The following EBNA1BP2 variants were observed in gnomAD, a reference collection of about 807,000 sequenced individuals.
The protein encoded by EBNA1BP2 is EBNA1 binding protein 2.
In EBNA1BP2, 36 loss-of-function variants were observed where a neutral mutation model predicts 43.5. The observed-to-expected ratio is 0.83, with a 90% confidence interval of 0.63 to 1.09. The LOEUF (loss-of-function observed/expected upper bound fraction) is 1.09, where lower values mean the gene tolerates loss of function less well. Among genes scored for constraint, EBNA1BP2 ranks in the 50% least tolerant of loss-of-function variants. EBNA1BP2 has a pLI of 0.00. For synonymous variants in EBNA1BP2, 127 were observed against 141.3 expected (o/e 0.90, Z 0.72); for missense variants, 332 against 379.1 (o/e 0.88, Z 1.03).
chr1:43,172,467 C>G, upstream of EBNA1BP2: 2 of 1,542,570 alleles, frequency 1.3e-6, no homozygotes, highest in Non-Finnish European at 1.8e-6. Context: ...GGAGGGGGTA[C>G]CTGGGGGTCG....
At chr1:43,166,086 G>A (rs1019910635) in intron 7 of EBNA1BP2, among the ~76,000 whole-genome samples, 1 of 152,142 alleles carries the variant, frequency 6.6e-6, no homozygotes, top group Admixed American at 6.5e-5. Flanking sequence ...AACAATGAGA[G>A]CCCACATTCT....
intron 7 of EBNA1BP2, 69 bp from the exon 8 acceptor site, chr1:43,164,874 GCT>G: frequency 6.4e-7 from 1 of 1,570,932 alleles, no homozygotes; most frequent in Non-Finnish European, 8.6e-7. Context: ...GCCCAGCAAT[GCT>G]CTCAGTTTCC....
upstream of EBNA1BP2, chr1:43,172,377 G>C (rs1389434479): frequency 6.4e-7 from 1 of 1,551,626 alleles, no homozygotes; most frequent in East Asian, 2.4e-5. Context: ...GTTTGAAAGT[G>C]TCCGGGTTGC....
rs2124166029 is a variant in EBNA1BP2, at chr1:43,168,987, C to A, written c.489G>T (p.Arg163Ser). 2 of 1,614,174 alleles carry A rather than the reference C, an allele frequency of 1.2e-6. No homozygotes were observed. The highest frequency in any genetic ancestry group is 2.2e-5 in the South Asian group (2 of 91,078). The change falls in exon 5 of 9, where the codon AGG (arginine) becomes AGT (serine). Residue 163 changes from arginine to serine, a missense_variant. Coordinates refer to ENST00000236051, the MANE Select transcript of EBNA1BP2 (RefSeq NM_006824.3). ...KLQTKQAAME[R>S]SEKAKQLRAL... ...CTCGCAGTTGCTTAGCTTTTTCAGA[C>A]CTCTCCATGGCAGCCTGTTTAGTCT...
rs1452105098 is a variant in EBNA1BP2 at position 43,164,731 on chromosome 1, G to A, written c.782C>T (p.Thr261Ile). 1.2e-6 allele frequency: 2 copies of A among 1,614,092 alleles called. No individual in the cohort carries two copies. Among genetic ancestry groups the A allele is most frequent in the African/African-American group, 2.7e-5 (2 of 74,928 alleles). ...AGATACATCATCATAGCTCTCCCGA[G>A]TGTTCCACTTTGAGCCTTTCTTCTT... ...GGKKKGSKWN[T>I]RESYDDVSSF... Residue 261 changes from threonine to isoleucine, a missense_variant, in exon 8 of 9, where the codon ACT becomes ATT. By Grantham distance (89) the Thr-to-Ile change is moderately conservative. This residue lies in a region of EBNA1BP2 where 91 missense variants were observed against 152.1 expected (regional missense o/e 0.60). Coordinates refer to ENST00000236051, the MANE Select transcript of EBNA1BP2 (RefSeq NM_006824.3).
At chr1:43,172,458 G>C (rs1034398289), upstream of EBNA1BP2, 11 of 1,545,848 alleles carry the variant, frequency 7.1e-6, no homozygotes, top group Non-Finnish European at 8.7e-6. Flanking sequence ...CGAAAGGTGG[G>C]AGGGGGTACC....
chr1:43,167,298 T>C, intron 5 of EBNA1BP2, 63 bp from the exon 6 acceptor site: 1 of 1,487,972 alleles, frequency 6.7e-7, no homozygotes, highest in South Asian at 1.1e-5. Flanking sequence ...GTCTACATTG[T>C]CTTAATAGCA....
chr1:43,171,767 G>A, intron 2 of EBNA1BP2, 116 bp from the exon 3 acceptor site: 4 of 1,560,586 alleles, frequency 2.6e-6, no homozygotes, highest in Non-Finnish European at 3.5e-6. Flanking sequence ...ACAGGTAATT[G>A]ACCCTCTTGG....
chr1:43,172,269 C>T lies in EBNA1BP2; in HGVS notation c.-151G>A. 6.4e-7 allele frequency: 1 copy of T among 1,553,176 alleles called. No individual in the cohort carries two copies. On this transcript the variant is annotated 5_prime_UTR_variant, in exon 1 of 9. Transcript: ENST00000236051. The stretch of plus-strand genomic sequence containing the variant: ...ACGTGCCACCGAATCGCTCCAGCGC[C>T]AGCAACTCACAGCTACTGCTCAACT...
intron 3 of EBNA1BP2, 200 bp downstream of exon 3, chr1:43,171,279 A>G (rs1246351436): frequency 9.4e-6 from 6 of 638,246 alleles, no homozygotes; most frequent in Non-Finnish European, 1.4e-5. Flanking sequence ...AAATTAGCCC[A>G]TAAAGTGGAT....
rs1420630189 is a variant in EBNA1BP2 at position 43,172,047 on chromosome 1, A to C, written c.66+6T>G. 8 of 1,613,798 alleles carry C rather than the reference A, an allele frequency of 5.0e-6. No individual in the cohort carries two copies. The highest frequency in any genetic ancestry group is 6.8e-6 in the Non-Finnish European group (8 of 1,179,986). ...GCCCAGCCCCACGAGCTCGGCTGAC[A>C]CCTACCTCTCTGTCTGTGACAAGGG... is the stretch of plus-strand genomic sequence containing the variant. On this transcript the variant is annotated splice_donor_region_variant and intron_variant, in intron 1 of 8. Transcript: ENST00000236051.
intron 5 of EBNA1BP2, among the ~76,000 whole-genome samples, chr1:43,168,101 A>C (rs1295140536): frequency 4.6e-5 from 7 of 152,210 alleles, no homozygotes; most frequent in Non-Finnish European, 7.3e-5. Flanking sequence ...CTTTGAGAGA[A>C]TCTCAGCCAT....
At position 43,166,900 on chromosome 1, in the gene EBNA1BP2, A is replaced by G; in HGVS notation, c.633T>C (p.Asp211=). Residue 211 remains aspartate, a synonymous_variant, in exon 7 of 9, where the codon GAT becomes GAC. Transcript: ENST00000236051. The part of the protein sequence containing the change: ...KYQKGFSDKL[D]FLEGDQKPLA... ...GAGGTTTCTGATCTCCCTCAAGGAA[A>G]TCCAGTTTATCAGAGAAGCCTGTAA... 6.2e-7 allele frequency: 1 copy of G among 1,612,714 alleles called. No homozygotes were observed. Among genetic ancestry groups the G allele is most frequent in the East Asian group, 2.2e-5 (1 of 44,878 alleles).
In EBNA1BP2 at chr1:43,172,089, C is replaced by CT; in HGVS notation, c.29dup (p.Ser11ValfsTer5). The CT allele has an allele frequency of 6.2e-7, 1 of 1,614,204 alleles. No individual in the cohort carries two copies. The highest frequency in any genetic ancestry group is 8.5e-7 in the Non-Finnish European group (1 of 1,180,040). On this transcript the variant is annotated frameshift_variant, in exon 1 of 9. Transcript: ENST00000236051. LOFTEE classifies it high-confidence loss of function. ...TGACAAGGGATTCATCGGATTCCGACTCCGAATCCGAGAGCGGGGGAGTGT... is the reference window on the plus strand; with the variant it reads ...TGACAAGGGATTCATCGGATTCCGACTTCCGAATCCGAGAGCGGGGGAGTGT...
rs751573049 is a variant in EBNA1BP2, at chr1:43,171,986, CG to C, written c.67-18del. 2.0e-5 allele frequency: 32 copies of C among 1,614,152 alleles called. No individual in the cohort carries two copies. The highest frequency in any genetic ancestry group is 2.7e-5 in the Non-Finnish European group (32 of 1,180,004). ...ATCCTGCAACTGCAGGACACAATCA[CG>C]GTCACTCCCAGGGGTGTAAGGCCCC... On this transcript the variant is annotated intron_variant, in intron 1 of 8. Coordinates refer to ENST00000236051, the MANE Select transcript of EBNA1BP2 (RefSeq NM_006824.3).
chr1:43,164,596 A>AG (rs1177706406), intron 8 of EBNA1BP2, 47 bp downstream of exon 8: 1 of 1,613,696 alleles, frequency 6.2e-7, no homozygotes, highest in South Asian at 1.1e-5. Flanking sequence ...TGGGAGTGGG[A>AG]GGGGAGGCTG....
At chr1:43,172,563 G>GGGGGTGGGGAAA, upstream of EBNA1BP2, 1 of 769,796 alleles carries the variant, frequency 1.3e-6, no homozygotes. Context: ...GGAGGACCCC[G>GGGGGTGGGGAAA]GGGGAGGGGA....
Position 43,172,288 on chromosome 1 carries a change from C to A in EBNA1BP2, c.-170G>T, listed in dbSNP as rs1557713469. 2 of 1,552,312 alleles carry A rather than the reference C, an allele frequency of 1.3e-6. No homozygotes were observed. Among genetic ancestry groups the A allele is most frequent in the Non-Finnish European group, 1.7e-6 (2 of 1,147,234 alleles). On this transcript the variant is annotated 5_prime_UTR_variant, in exon 1 of 9. Transcript: ENST00000236051. ...CAGCGCCAGCAACTCACAGCTACTG[C>A]TCAACTTTTGATTGGGACTTCCGCT...
In EBNA1BP2 at chr1:43,170,836, G is replaced by A. The variant is rs1189967301; in HGVS notation, c.367C>T (p.Leu123Phe). The change falls in exon 4 of 9, where the codon CTC becomes TTC. Residue 123 changes from leucine (L) to phenylalanine (F), a missense_variant. By Grantham distance (22) the Leu-to-Phe change is conservative (BLOSUM62 0). Coordinates refer to ENST00000236051, the MANE Select transcript of EBNA1BP2 (RefSeq NM_006824.3). ...QAAVLAVLPR[L>F]HQLKVPTKRP... ...TTCGTAGGGACTTTGAGCTGATGGA[G>A]GCGGGGTAAGACTGCAAGCACTGCG... 5 of 1,604,634 alleles carry A rather than the reference G, an allele frequency of 3.1e-6. No individual in the cohort carries two copies. The highest frequency in any genetic ancestry group is 4.3e-6 in the Non-Finnish European group (5 of 1,176,306).
Sources: gnomAD v4.1 joint callset for allele counts (sites outside exome capture counted in the v4.1 genomes callset) on GRCh38, gnomAD v4.1.1 for gene constraint, gnomAD v4.1.1 regional missense constraint, MANE v1.5 for transcripts, NCBI Gene and HGNC (gene_info 2026-07-23, HGNC 2026-07-21) for gene names.